Variants in RANBP2 observed in about 807,000 individuals in gnomAD.
RANBP2 encodes E3 SUMO-protein ligase RanBP2.
RANBP2 carries 57 observed loss-of-function variants against 303.6 expected under a neutral mutation model. The observed-to-expected ratio is 0.19, with a 90% CI of 0.15 to 0.23. RANBP2 has a LOEUF of 0.23. Among genes scored for constraint, RANBP2 ranks in the 10% least tolerant of loss-of-function variants. The pLI, the probability that RANBP2 is intolerant of heterozygous loss-of-function variation, is 1.00. For missense variants in RANBP2, 3,138 were observed against 3,780.8 expected (o/e 0.83, Z 4.46); for synonymous variants, 1,167 against 1,301.5 (o/e 0.90, Z 2.23).
At chr2:109,008,013 A>T in the RANBP2 span, among the ~76,000 whole-genome samples, 9 of 152,190 alleles carry the variant, frequency 5.9e-5, no homozygotes, top group Non-Finnish European at 1.3e-4. Context: ...GCTTTTAAAG[A>T]GTCGATTTTT....
the RANBP2 span, among the ~76,000 whole-genome samples, chr2:109,384,622 C>T: frequency 2.6e-5 from 4 of 152,250 alleles, no homozygotes; most frequent in African/African-American, 7.2e-5. Flanking sequence ...CCTTCTCTGC[C>T]GAGTGCCCGC....
chr2:109,259,947 T>C, the RANBP2 span, among the ~76,000 whole-genome samples: 3 of 152,198 alleles, frequency 2.0e-5, no homozygotes, highest in East Asian at 1.9e-4. Context: ...ATGATATCCA[T>C]GTTCTCAGAC....
At chr2:109,205,860 C>T in the RANBP2 span, among the ~76,000 whole-genome samples, 1 of 152,194 alleles carries the variant, frequency 6.6e-6, no homozygotes, top group Non-Finnish European at 1.5e-5. Context: ...GGAGTTTTCT[C>T]CTTTCCGCTT....
the RANBP2 span, among the ~76,000 whole-genome samples, chr2:109,718,201 C>T: frequency 1.3e-5 from 2 of 152,252 alleles, no homozygotes; most frequent in African/African-American, 2.4e-5. Context: ...CAATCTGGCC[C>T]AGCACTTCTC....
At chr2:109,479,350 T>TGG in the RANBP2 span, among the ~76,000 whole-genome samples, 1 of 152,194 alleles carries the variant, frequency 6.6e-6, no homozygotes, top group African/African-American at 2.4e-5. Flanking sequence ...CACAGTGTTG[T>TGG]GGCTGTATTT....
chr2:108,863,095 A>G, the RANBP2 span, among the ~76,000 whole-genome samples: 147 of 152,310 alleles, frequency 9.7e-4, no homozygotes, highest in African/African-American at 3.3e-3. Context: ...ATATCTTTCT[A>G]TCTGATGCAG....
At chr2:109,663,906 C>T in the RANBP2 span, among the ~76,000 whole-genome samples, 2 of 152,178 alleles carry the variant, frequency 1.3e-5, no homozygotes, top group Admixed American at 6.5e-5. Flanking sequence ...TCTAATGAGA[C>T]CAGTGCCTCC....
At chr2:109,566,519 T>G in the RANBP2 span, among the ~76,000 whole-genome samples, 1 of 152,172 alleles carries the variant, frequency 6.6e-6, no homozygotes, top group Admixed American at 6.5e-5. Context: ...ATACAAAATG[T>G]ATATGTAACT....
the RANBP2 span, among the ~76,000 whole-genome samples, chr2:108,791,176 A>G: frequency 4.6e-5 from 7 of 152,172 alleles, no homozygotes; most frequent in African/African-American, 1.7e-4. Context: ...AAAATTTTAA[A>G]TTACCTATAT....
chr2:109,358,403 G>A, the RANBP2 span, among the ~76,000 whole-genome samples: 13 of 152,182 alleles, frequency 8.5e-5, no homozygotes, highest in African/African-American at 3.1e-4. Flanking sequence ...CAGCTCCTTT[G>A]GATAAATACT....
chr2:109,149,231 T>G, the RANBP2 span, among the ~76,000 whole-genome samples: 1 of 152,242 alleles, frequency 6.6e-6, no homozygotes, highest in East Asian at 1.9e-4. Context: ...TTATTCGGAC[T>G]TCTCTAGTCA....
intron 6 of RANBP2, among the ~76,000 whole-genome samples, chr2:108,738,176 C>T (rs552859320): frequency 2.5e-4 from 38 of 151,360 alleles, no homozygotes; most frequent in Middle Eastern, 3.4e-3. Flanking sequence ...CCAGGGTTCA[C>T]GCCATTCTCC....
chr2:109,077,648 C>T, the RANBP2 span, among the ~76,000 whole-genome samples: 1 of 150,340 alleles, frequency 6.7e-6, no homozygotes, highest in African/African-American at 2.4e-5. Context: ...GGGCAAAGGA[C>T]TTGAATAGAT....
the RANBP2 span, among the ~76,000 whole-genome samples, chr2:109,411,624 C>A: frequency 6.6e-6 from 1 of 152,192 alleles, no homozygotes; most frequent in African/African-American, 2.4e-5. Flanking sequence ...GTTTTCATAT[C>A]CCTGAGGGCA....
chr2:109,523,753 G>T, the RANBP2 span, among the ~76,000 whole-genome samples: 1 of 152,130 alleles, frequency 6.6e-6, no homozygotes, highest in Admixed American at 6.5e-5. Context: ...TGAACTGCCT[G>T]GGTACAGTCT....
the RANBP2 span, among the ~76,000 whole-genome samples, chr2:109,678,549 T>G: frequency 1.3e-5 from 2 of 152,222 alleles, no homozygotes; most frequent in African/African-American, 4.8e-5. Flanking sequence ...GAAAGAACAT[T>G]TGGATTCATT....
the RANBP2 span, among the ~76,000 whole-genome samples, chr2:108,874,615 G>A: frequency 5.6e-4 from 86 of 152,264 alleles, no homozygotes; most frequent in Admixed American, 2.2e-3. Flanking sequence ...ATATGCTTGA[G>A]TAGTAAATGC....
the RANBP2 span, among the ~76,000 whole-genome samples, chr2:109,353,939 G>C: frequency 6.6e-6 from 1 of 152,128 alleles, no homozygotes; most frequent in African/African-American, 2.4e-5. Context: ...TGAACACGAT[G>C]GGAACACCAG....
the RANBP2 span, among the ~76,000 whole-genome samples, chr2:108,792,957 G>C: frequency 4.0e-5 from 6 of 151,734 alleles, no homozygotes; most frequent in African/African-American, 1.5e-4. Flanking sequence ...CCAGTTACTC[G>C]GGAGGCTGAG....
Sources: allele counts gnomAD v4.1 joint callset (sites outside exome capture counted in the v4.1 genomes callset), GRCh38; gene constraint gnomAD v4.1.1; transcripts MANE v1.5; gene names NCBI Gene and HGNC (gene_info 2026-07-23, HGNC 2026-07-21).